Variants in NTRK3 observed in about 807,000 individuals in gnomAD.
The protein encoded by NTRK3 is neurotrophic receptor tyrosine kinase 3, also known as NT-3 growth factor receptor.
A neutral mutation model predicts 91.7 loss-of-function variants in NTRK3; 24 were observed. The ratio of observed to expected loss-of-function variants is 0.26; its 90% CI spans 0.19 to 0.37. NTRK3 has a LOEUF of 0.37. NTRK3 is among the 10% of genes least tolerant of loss of function. The pLI is 1.00. For synonymous variants in NTRK3, 483 were observed against 404.0 expected, an observed-to-expected ratio of 1.20 and a Z score of -2.34; for missense variants, 880 against 1,068.9, an observed-to-expected ratio of 0.82 and a Z score of 2.46.
chr15:87,866,153 T>G (rs1427346943), exon 19 of NTRK3: 1 of 225,598 alleles, frequency 4.4e-6, no homozygotes, highest in Admixed American at 5.7e-5. Context: ...GAAACTGAGG[T>G]AAAGGGCAGA....
chr15:87,877,142 G>C (rs371983616), intron 18 of NTRK3, 22 bp from the exon 20 acceptor site: 16 of 1,612,690 alleles, frequency 9.9e-6, no homozygotes, highest in Non-Finnish European at 1.3e-5. Context: ...AGAAGAACAA[G>C]GAAGTTACAC....
chr15:87,953,094 C>T (rs1387367505), intron 14 of NTRK3, among the ~76,000 whole-genome samples: 1 of 152,228 alleles, frequency 6.6e-6, no homozygotes, highest in African/African-American at 2.4e-5. Flanking sequence ...AGCTGACTTC[C>T]AAGAGTTTCC....
chr15:88,256,340 A>ACGCCGCCGC (rs542135987), exon 2 of NTRK3: 209 of 637,996 alleles, frequency 3.3e-4, no homozygotes, highest in Admixed American at 1.3e-3. Context: ...ACCATCGCGG[A>ACGCCGCCGC]CGCCGCCGCC....
rs1364269525 is a variant in NTRK3 at position 87,916,484 on chromosome 15, T to G, written c.2133+12707A>C. The G allele has an allele frequency of 1.3e-5, 9 of 701,748 alleles. No homozygotes were observed. In the Admixed American group the frequency reaches 1.6e-4, roughly 12 times the overall value. The allele number at this position is 701,748 out of a possible 1,614,324, so 43.5% of individuals were successfully genotyped here. On this transcript the variant is annotated intron_variant, in intron 17 of 18. Transcript: ENST00000394480. ...AGGACAGAATCCAATATAAGCATGC[T>G]TCAACGTCTCAGAATTTTCTTATGG... is the stretch of plus-strand genomic sequence containing the variant.
intron 13 of NTRK3, among the ~76,000 whole-genome samples, chr15:88,075,969 C>T (rs543010037): frequency 6.6e-6 from 1 of 152,326 alleles, no homozygotes; most frequent in East Asian, 1.9e-4. Flanking sequence ...ACACACTCAG[C>T]TTTCAGCTTA....
Position 88,127,232 on chromosome 15 carries a change from A to G in NTRK3, c.1229-6T>C. ...TGTGGGACTCACTTCGTCAACTGAA[A>G]ACCAAACACAAAAAGGAGGAGGACA... On this transcript the variant is annotated splice_polypyrimidine_tract_variant and splice_region_variant and intron_variant, in intron 11 of 18. Transcript: ENST00000394480. The G allele has an allele frequency of 1.2e-6, 2 of 1,613,752 alleles. No homozygotes were observed. The highest frequency in any genetic ancestry group is 1.7e-6 in the Non-Finnish European group (2 of 1,179,810).
intron 14 of NTRK3, among the ~76,000 whole-genome samples, chr15:87,974,723 C>G (rs1466716693): frequency 6.6e-6 from 1 of 152,126 alleles, no homozygotes; most frequent in African/African-American, 2.4e-5. Context: ...TCATACACCC[C>G]CAAGTCACTA....
At position 88,240,413 on chromosome 15, in the gene NTRK3, A is replaced by G. The variant is rs1281656191; in HGVS notation, c.248+15493T>C. Among the ~76,000 whole-genome samples, 2 of 151,994 alleles carry G rather than the reference A, an allele frequency of 1.3e-5. No individual in the cohort carries two copies. The highest frequency in any genetic ancestry group is 2.9e-5 in the Non-Finnish European group (2 of 67,998). ...ACATTCTGTGAGGATGTGGCCAAAA[A>G]CACCTGTGTCCATGAAACTCAAGGA... On this transcript the variant is annotated intron_variant, in intron 3 of 18. Coordinates refer to ENST00000394480, the Ensembl canonical transcript of NTRK3. The surrounding 1 kb of genome is among the most constrained non-coding windows in gnomAD (Gnocchi z 4.9).
intron 17 of NTRK3, among the ~76,000 whole-genome samples, chr15:87,890,034 T>C (rs2065774783): frequency 6.6e-6 from 1 of 151,940 alleles, no homozygotes; most frequent in African/African-American, 2.4e-5. Context: ...TCAAAGTCTG[T>C]TTATTTCACT....
chr15:88,161,531 C>A (rs2044455646), intron 5 of NTRK3, among the ~76,000 whole-genome samples: 1 of 152,172 alleles, frequency 6.6e-6, no homozygotes, highest in South Asian at 2.1e-4. Context: ...AAGTTCTGGT[C>A]ACTGAGAGGG....
chr15:88,138,143 C>A (rs1188989953), intron 6 of NTRK3, among the ~76,000 whole-genome samples: 2 of 152,186 alleles, frequency 1.3e-5, no homozygotes, highest in Non-Finnish European at 2.9e-5. Context: ...GTGGCTCACA[C>A]CTGTAATCCC....
At chr15:88,104,573 C>A (rs1345245426) in intron 13 of NTRK3, among the ~76,000 whole-genome samples, 1 of 152,170 alleles carries the variant, frequency 6.6e-6, no homozygotes, top group Non-Finnish European at 1.5e-5. Context: ...TGGCACTTCC[C>A]AGCTATCAGC....
At chr15:87,877,615 C>T (rs1213558147) in intron 18 of NTRK3, among the ~76,000 whole-genome samples, 1 of 151,908 alleles carries the variant, frequency 6.6e-6, no homozygotes, top group East Asian at 1.9e-4. Flanking sequence ...CTCCCAGTTG[C>T]AGACTCTGTG....
intron 14 of NTRK3, among the ~76,000 whole-genome samples, chr15:87,942,715 T>C (rs1437901743): frequency 6.6e-6 from 1 of 152,188 alleles, no homozygotes; most frequent in East Asian, 1.9e-4. Flanking sequence ...ACAACAACCA[T>C]GAAATCTTGG....
intron 5 of NTRK3, among the ~76,000 whole-genome samples, chr15:88,159,070 C>A (rs59958842): frequency 1.6e-3 from 237 of 152,266 alleles, no homozygotes; most frequent in African/African-American, 5.5e-3. Flanking sequence ...GCTGGAGAAG[C>A]CAGGGTCCCC....
intron 10 of NTRK3, among the ~76,000 whole-genome samples, chr15:88,132,777 G>C (rs771270332): frequency 2.0e-5 from 3 of 152,172 alleles, no homozygotes; most frequent in Non-Finnish European, 4.4e-5. Context: ...ACTTGGCATC[G>C]TTTCCCTGTC....
chr15:87,898,876 A>C (rs1415078002), intron 17 of NTRK3, among the ~76,000 whole-genome samples: 1 of 151,244 alleles, frequency 6.6e-6, no homozygotes, highest in Non-Finnish European at 1.5e-5. Context: ...GGTGGCACGC[A>C]CCTGTAGTCC....
rs75752553 is a variant in NTRK3, at chr15:88,136,107, C to A, written c.766-67G>T. 511 of 1,576,846 alleles carry A rather than the reference C, an allele frequency of 3.2e-4. 2 individuals are homozygous for A. In the African/African-American group the frequency reaches 6.1e-3, roughly 19 times the overall value. On this transcript the variant is annotated intron_variant, in intron 8 of 18. Coordinates refer to ENST00000394480, the Ensembl canonical transcript of NTRK3. ...CAAGGATGGCTCTGCTACCTAATCCCCAAATACCTTTAGGAATCAAAAGGA... is the reference window on the plus strand; with the variant it reads ...CAAGGATGGCTCTGCTACCTAATCCACAAATACCTTTAGGAATCAAAAGGA...
intron 13 of NTRK3, among the ~76,000 whole-genome samples, chr15:88,088,791 G>T (rs546107396): frequency 2.4e-3 from 358 of 152,264 alleles, no homozygotes; most frequent in Non-Finnish European, 4.2e-3. Context: ...AGGCCCTATA[G>T]CTGGGAATGG....
Sources: gnomAD v4.1 joint callset for allele counts (sites outside exome capture counted in the v4.1 genomes callset) on GRCh38, gnomAD v4.1.1 for gene constraint, Gnocchi (gnomAD v3.1) non-coding constraint, MANE v1.5 for transcripts, NCBI Gene and HGNC (gene_info 2026-07-23, HGNC 2026-07-21) for gene names.